TNRC6B: variants seen among roughly 807,000 people sequenced by gnomAD.
TNRC6B encodes trinucleotide repeat containing adaptor 6B.
In TNRC6B, 52 loss-of-function variants were observed where a neutral mutation model predicts 203.6. The ratio of observed to expected loss-of-function variants is 0.26; its 90% confidence interval spans 0.20 to 0.32. The LOEUF is 0.32. Ranked by LOEUF, TNRC6B falls within the 10% of genes least tolerant of loss-of-function variation. The pLI is 1.00. For missense variants in TNRC6B, 1,923 were observed against 2,286.2 expected (o/e 0.84, Z 3.24); for synonymous variants, 838 against 845.7 (o/e 0.99, Z 0.16).
chr22:40,221,067 G>A (rs1199253815), intron 1 of TNRC6B, among the ~76,000 whole-genome samples: 1 of 152,144 alleles, frequency 6.6e-6, no homozygotes, highest in Non-Finnish European at 1.5e-5. Flanking sequence ...TGGTGTCTGG[G>A]ATGTTCCCTG....
At chr22:40,120,879 A>T (rs2068437878) in intron 2 of TNRC6B, among the ~76,000 whole-genome samples, 1 of 152,210 alleles carries the variant, frequency 6.6e-6, no homozygotes, top group South Asian at 2.1e-4. Flanking sequence ...CTAGTCTGGG[A>T]TAGACCTGCC....
At chr22:40,053,160 TAAAAAAAA>T (rs76520904) in intron 1 of TNRC6B, among the ~76,000 whole-genome samples, 8 of 135,478 alleles carry the variant, frequency 5.9e-5, no homozygotes, top group Non-Finnish European at 1.3e-4. Context: ...AGATTTTCTT[TAAAAAAAA>T]AAAAAAAAAA....
intron 1 of TNRC6B, among the ~76,000 whole-genome samples, chr22:40,076,412 A>G (rs1051353732): frequency 2.0e-5 from 3 of 152,202 alleles, no homozygotes; most frequent in East Asian, 3.8e-4. Context: ...CCTGGTGGCA[A>G]TTAGTTGTCT....
At chr22:40,223,209 C>T (rs1373413087) in intron 1 of TNRC6B, among the ~76,000 whole-genome samples, 1 of 151,902 alleles carries the variant, frequency 6.6e-6, no homozygotes, top group Non-Finnish European at 1.5e-5. Flanking sequence ...GGCGCAATCT[C>T]GACTCACCGC....
upstream of TNRC6B, among the ~76,000 whole-genome samples, chr22:40,176,286 G>A (rs1045821921): frequency 6.6e-6 from 1 of 151,950 alleles, no homozygotes; most frequent in African/African-American, 2.4e-5. Context: ...GTGCCACCAC[G>A]CTGGCTAATT....
intron 3 of TNRC6B, among the ~76,000 whole-genome samples, chr22:40,257,546 G>A (rs759364535): frequency 1.3e-4 from 20 of 151,814 alleles, no homozygotes; most frequent in Non-Finnish European, 2.2e-4. Context: ...GTGAAACCCC[G>A]TCTCTACTAA....
intron 1 of TNRC6B, among the ~76,000 whole-genome samples, chr22:40,110,071 T>C (rs2068319578): frequency 6.6e-6 from 1 of 152,216 alleles, no homozygotes; most frequent in African/African-American, 2.4e-5. Context: ...ATATGCAATA[T>C]AGAAAAAGAA....
At position 40,332,740 on chromosome 22, in the gene TNRC6B, C is replaced by A. The variant is rs2043996502; in HGVS notation, c.*9499C>A. The A allele has an allele frequency of 6.6e-6, 1 of 152,564 alleles. No homozygotes were observed. The highest frequency in any genetic ancestry group is 6.5e-5 in the Admixed American group (1 of 15,284). The allele number at this position is 152,564 out of a possible 1,614,324, so 9.5% of individuals were successfully genotyped here. A position where few individuals can be genotyped will look rare whatever the true frequency, so the allele number is the denominator to read the frequency against. On this transcript the variant is annotated 3_prime_UTR_variant, in exon 23 of 23. Transcript: ENST00000454349. ...CAAAATAATACCTCGAGGTACATTT[C>A]CCCCTGCAATGTAAACCCTTAACTC...
At chr22:40,133,091 A>G (rs1053341320) in intron 3 of TNRC6B, among the ~76,000 whole-genome samples, 6 of 150,030 alleles carry the variant, frequency 4.0e-5, no homozygotes, top group Non-Finnish European at 8.9e-5. Context: ...TTATGTGCTT[A>G]TATTATCACA....
intron 3 of TNRC6B, among the ~76,000 whole-genome samples, chr22:40,145,138 C>T (rs575402055): frequency 2.0e-5 from 3 of 150,596 alleles, no homozygotes; most frequent in South Asian, 4.2e-4. Flanking sequence ...CCCAGCTATT[C>T]GGGAGGCTAA....
intron 1 of TNRC6B, among the ~76,000 whole-genome samples, chr22:40,201,537 G>A (rs1188220329): frequency 6.6e-6 from 1 of 151,704 alleles, no homozygotes; most frequent in Non-Finnish European, 1.5e-5. Flanking sequence ...CTGGACTCAA[G>A]TGATCTTCCC....
At chr22:40,081,307 GTTTTTT>G (rs34140652) in intron 1 of TNRC6B, among the ~76,000 whole-genome samples, 35 of 101,490 alleles carry the variant, frequency 3.4e-4, no homozygotes, top group Admixed American at 1.1e-3. Context: ...GTGTCTGCGT[GTTTTTT>G]TTTTTTTTTT....
intron 12 of TNRC6B, among the ~76,000 whole-genome samples, chr22:40,287,376 G>A (rs2146530300): frequency 6.6e-6 from 1 of 152,280 alleles, no homozygotes; most frequent in Middle Eastern, 3.4e-3. Flanking sequence ...ATCAACTATA[G>A]ATTTCAAATT....
At chr22:40,150,194 G>T (rs892551693) in intron 3 of TNRC6B, among the ~76,000 whole-genome samples, 1 of 151,958 alleles carries the variant, frequency 6.6e-6, no homozygotes, top group Non-Finnish European at 1.5e-5. Context: ...TGGCTAACAC[G>T]GTGAAACCCC....
chr22:40,114,699 C>G (rs2068371469), intron 1 of TNRC6B, among the ~76,000 whole-genome samples: 1 of 152,096 alleles, frequency 6.6e-6, no homozygotes, highest in African/African-American at 2.4e-5. Flanking sequence ...ATCCACTGAA[C>G]ATTCCCACCC....
At chr22:40,228,718 G>A (rs1601902618) in intron 1 of TNRC6B, among the ~76,000 whole-genome samples, 1 of 151,464 alleles carries the variant, frequency 6.6e-6, no homozygotes, top group African/African-American at 2.4e-5. Flanking sequence ...TAGGGACGGC[G>A]TTTCACCATG....
chr22:40,239,186 G>GAGCAA (rs1372470033), intron 1 of TNRC6B, among the ~76,000 whole-genome samples: 1 of 151,526 alleles, frequency 6.6e-6, no homozygotes, highest in Non-Finnish European at 1.5e-5. Flanking sequence ...GTGGGTGACA[G>GAGCAA]AGCAAGACTC....
At chr22:40,130,147 G>A (rs1400969311) in intron 3 of TNRC6B, among the ~76,000 whole-genome samples, 1 of 152,174 alleles carries the variant, frequency 6.6e-6, no homozygotes, top group Non-Finnish European at 1.5e-5. Flanking sequence ...GACTATGCAT[G>A]TTTGAGAAAA....
At chr22:40,089,843 A>G (rs548798529) in intron 1 of TNRC6B, among the ~76,000 whole-genome samples, 11 of 152,180 alleles carry the variant, frequency 7.2e-5, no homozygotes, top group African/African-American at 2.4e-4. Context: ...TGCTCCACCT[A>G]GTCATCCCTC....
Sources: allele counts gnomAD v4.1 joint callset (sites outside exome capture counted in the v4.1 genomes callset), GRCh38; gene constraint gnomAD v4.1.1; transcripts MANE v1.5; gene names NCBI Gene and HGNC (gene_info 2026-07-23, HGNC 2026-07-21).